SGCD: variants seen among roughly 807,000 people sequenced by gnomAD.
The protein encoded by SGCD is sarcoglycan delta, also known as delta-sarcoglycan.
SGCD carries 18 observed loss-of-function variants against 36.6 expected under a neutral mutation model. The ratio of observed to expected loss-of-function variants is 0.49; its 90% CI spans 0.34 to 0.73. SGCD has a LOEUF of 0.73. Among genes scored for constraint, SGCD ranks in the 30% least tolerant of loss-of-function variants. The pLI, the probability that SGCD is intolerant of heterozygous loss-of-function variation, is 0.01. For synonymous variants in SGCD, 133 were observed against 130.6 expected (o/e 1.02, Z -0.12); for missense variants, 387 against 346.7 (o/e 1.12, Z -0.92).
At chr5:156,398,063 C>A (rs1771959294) in intron 3 of SGCD, among the ~76,000 whole-genome samples, 2 of 152,284 alleles carry the variant, frequency 1.3e-5, no homozygotes, top group East Asian at 3.9e-4. Flanking sequence ...GATACATCTC[C>A]CCTGAGGCGC....
At chr5:156,617,967 T>C (rs1762083246) in intron 6 of SGCD, among the ~76,000 whole-genome samples, 2 of 152,248 alleles carry the variant, frequency 1.3e-5, no homozygotes. Context: ...GTTGGCCACA[T>C]TGTTCAAGTC....
chr5:155,932,203 T>C (rs902041920), intron 1 of SGCD, among the ~76,000 whole-genome samples: 1 of 152,222 alleles, frequency 6.6e-6, no homozygotes, highest in African/African-American at 2.4e-5. Context: ...TAGCCTGTCA[T>C]GTACTCCCAC....
rs1009257174 is a variant in SGCD at position 156,049,204 on chromosome 5, A to G, written c.-281-68674A>G. ...TCTATATCTCTGTTTTGGTACCAGT[A>G]CCATGCTGTTTTGGTTACTGTAGGC... On this transcript the variant is annotated intron_variant, in intron 1 of 9. Transcript: ENST00000517913. 1.4e-4 allele frequency among the ~76,000 whole-genome samples: 20 copies of G among 146,320 alleles called. 4 individuals are homozygous for G. The highest frequency in any genetic ancestry group is 2.5e-4 in the Non-Finnish European group (16 of 64,906).
chr5:156,143,582 C>G (rs3097806), intron 3 of SGCD, among the ~76,000 whole-genome samples: 1 of 151,988 alleles, frequency 6.6e-6, no homozygotes. Context: ...CAGGGCTGAC[C>G]AAGGCTTTGG....
intron 4 of SGCD, among the ~76,000 whole-genome samples, chr5:156,586,716 T>C (rs1160663390): frequency 6.6e-6 from 1 of 152,256 alleles, no homozygotes; most frequent in Non-Finnish European, 1.5e-5. Flanking sequence ...GTCTTCTGTG[T>C]CACTTTGACA....
chr5:156,206,281 G>C (rs1004097355), intron 3 of SGCD, among the ~76,000 whole-genome samples: 1 of 151,538 alleles, frequency 6.6e-6, no homozygotes, highest in Non-Finnish European at 1.5e-5. Context: ...TGGCATTCGG[G>C]GTTTTCCCAA....
At chr5:155,947,329 G>A (rs1239453395) in intron 1 of SGCD, among the ~76,000 whole-genome samples, 1 of 116,816 alleles carries the variant, frequency 8.6e-6, no homozygotes, top group African/African-American at 3.5e-5. Flanking sequence ...GTGTGTGTGT[G>A]TGTGTGTGTA....
At chr5:155,840,872 A>G in the SGCD span, among the ~76,000 whole-genome samples, 1 of 151,720 alleles carries the variant, frequency 6.6e-6, no homozygotes, top group African/African-American at 2.4e-5. Context: ...TTAGCTGGGC[A>G]TGGTGGCACA....
chr5:155,928,768 C>T (rs577383691), intron 1 of SGCD, among the ~76,000 whole-genome samples: 42 of 147,226 alleles, frequency 2.9e-4, no homozygotes, highest in Non-Finnish European at 5.4e-4. Flanking sequence ...GCAAAGGAAA[C>T]AACTTAAAAA....
intron 1 of SGCD, among the ~76,000 whole-genome samples, chr5:156,090,315 C>A (rs1274390827): frequency 6.6e-6 from 1 of 152,132 alleles, no homozygotes; most frequent in Non-Finnish European, 1.5e-5. Flanking sequence ...TCTATTTTCC[C>A]TAAGTGTCAG....
In SGCD at chr5:156,400,974, A is replaced by T. The variant is rs549806312; in HGVS notation, c.192+56297A>T. On this transcript the variant is annotated intron_variant, in intron 3 of 8. Coordinates refer to ENST00000337851, the MANE Select transcript of SGCD (RefSeq NM_000337.6). The stretch of plus-strand genomic sequence containing the variant: ...ATAACCCAGTGTTGCATGCCATTTT[A>T]TGCTTATAAGAGTGTTAATCATTCA... 2.6e-5 allele frequency among the ~76,000 whole-genome samples: 4 copies of T among 152,350 alleles called. No individual in the cohort carries two copies. In the East Asian group the frequency reaches 7.7e-4, roughly 29 times the overall value.
chr5:156,141,591 A>G lies in SGCD; in HGVS notation c.-44+17572A>G, dbSNP rs548453913. Reference sequence around the variant, plus strand: ...AAAGACAAATCTGGTAGATCAATGCAGTGGTTTTTCCTCTTATTATAAAGA... The same window carrying G: ...AAAGACAAATCTGGTAGATCAATGCGGTGGTTTTTCCTCTTATTATAAAGA... On this transcript the variant is annotated intron_variant, in intron 3 of 9. Coordinates refer to the SGCD transcript ENST00000517913. Among the ~76,000 whole-genome samples the G allele has an allele frequency of 2.0e-5, 3 of 152,338 alleles. No individual in the cohort carries two copies. The South Asian group carries it at 6.2e-4, about 32-fold the overall frequency.
rs189693182 is a variant in SGCD at position 156,237,391 on chromosome 5, G to A, written c.-43-92143G>A. Among the ~76,000 whole-genome samples, 897 of 152,124 alleles carry A rather than the reference G, an allele frequency of 5.9e-3. 6 individuals are homozygous for A. The highest frequency in any genetic ancestry group is 0.01 in the Non-Finnish European group (681 of 67,990). ...TGTAATCTCAGCACTTTGGGAGGCCGAGGCAGGCAAATCACCTGAGGTTGG... is the reference window on the plus strand; with the variant it reads ...TGTAATCTCAGCACTTTGGGAGGCCAAGGCAGGCAAATCACCTGAGGTTGG... On this transcript the variant is annotated intron_variant, in intron 3 of 9. Transcript: ENST00000517913.
chr5:155,902,865 T>A (rs1756421065), intron 1 of SGCD, among the ~76,000 whole-genome samples: 1 of 152,220 alleles, frequency 6.6e-6, no homozygotes, highest in South Asian at 2.1e-4. Flanking sequence ...TTTATTTTGT[T>A]CTTCATAACC....
chr5:156,599,937 G>A (rs1761097116), intron 6 of SGCD, among the ~76,000 whole-genome samples: 1 of 152,134 alleles, frequency 6.6e-6, no homozygotes, highest in South Asian at 2.1e-4. Context: ...TGTGCTGTTG[G>A]GAGTACTGAA....
rs575772720 is a variant in SGCD at position 156,097,785 on chromosome 5, T to C, written c.-281-20093T>C. Among the ~76,000 whole-genome samples the C allele has an allele frequency of 7.5e-4, 114 of 152,362 alleles. 2 individuals are homozygous for C. The highest frequency in any genetic ancestry group is 5.6e-4 in the Non-Finnish European group (38 of 68,034). On this transcript the variant is annotated intron_variant, in intron 1 of 9. Transcript: ENST00000517913. ...TCTTGGTATGATGAGTAATTTTGCA[T>C]TGTATTCTGGACATTTTATCTGTTC... is the stretch of plus-strand genomic sequence containing the variant.
chr5:156,093,013 G>C (rs918642324), intron 1 of SGCD, among the ~76,000 whole-genome samples: 5 of 152,204 alleles, frequency 3.3e-5, no homozygotes, highest in Admixed American at 3.3e-4. Context: ...GGCTCCTGTG[G>C]GGAAATTTTA....
rs543620019 is a variant in SGCD, at chr5:156,351,089, C to A, written c.192+6412C>A. Among the ~76,000 whole-genome samples the A allele has an allele frequency of 9.9e-5, 15 of 152,266 alleles. No homozygotes were observed. The East Asian group carries it at 2.5e-3, about 25-fold the overall frequency. ...CACTTTCATCTGAGGTATCCAGTGA[C>A]GTTTTATGTTTAGAGTAGTTCCCTG... On this transcript the variant is annotated intron_variant, in intron 3 of 8. Transcript: ENST00000337851.
intron 7 of SGCD, among the ~76,000 whole-genome samples, chr5:156,657,230 T>C (rs914372705): frequency 6.6e-6 from 1 of 151,800 alleles, no homozygotes. Flanking sequence ...TTTTTTTTTT[T>C]CCTCTCTCTT....
Sources: allele counts gnomAD v4.1 joint callset (sites outside exome capture counted in the v4.1 genomes callset), GRCh38; gene constraint gnomAD v4.1.1; transcripts MANE v1.5; gene names NCBI Gene and HGNC (gene_info 2026-07-23, HGNC 2026-07-21).